Variants in UVRAG observed in about 807,000 individuals in gnomAD.
The protein encoded by UVRAG is UV radiation resistance-associated gene protein.
In UVRAG, 19 loss-of-function variants were observed where a neutral mutation model predicts 78.0. The ratio of observed to expected loss-of-function variants is 0.24; its 90% confidence interval spans 0.17 to 0.36. The LOEUF is 0.36. UVRAG is among the 10% of genes least tolerant of loss of function. The pLI is 1.00. For synonymous variants in UVRAG, 323 were observed against 324.6 expected (o/e 1.00, Z 0.05); for missense variants, 740 against 853.8 (o/e 0.87, Z 1.66).
intron 13 of UVRAG, among the ~76,000 whole-genome samples, chr11:76,115,668 G>C (rs1222452493): frequency 6.6e-6 from 1 of 152,124 alleles, no homozygotes; most frequent in African/African-American, 2.4e-5. Context: ...TCTAAGTTTA[G>C]GGGGCAAGAG....
At chr11:75,968,642 T>C (rs564485775) in intron 7 of UVRAG, among the ~76,000 whole-genome samples, 1 of 152,344 alleles carries the variant, frequency 6.6e-6, no homozygotes, top group South Asian at 2.1e-4. Context: ...AGAAAACATA[T>C]CTCAGTATGT....
At chr11:75,847,675 A>G (rs1946064099) in intron 1 of UVRAG, among the ~76,000 whole-genome samples, 2 of 152,104 alleles carry the variant, frequency 1.3e-5, no homozygotes, top group Admixed American at 1.3e-4. Flanking sequence ...ATTTACCCAT[A>G]AAGAGTTTAT....
chr11:76,107,746 T>C (rs2134453910), intron 13 of UVRAG, among the ~76,000 whole-genome samples: 1 of 152,306 alleles, frequency 6.6e-6, no homozygotes, highest in Middle Eastern at 3.4e-3. Flanking sequence ...CTTGAAAGAA[T>C]TACGTTTTCT....
At chr11:75,947,688 G>A (rs1234923439) in intron 6 of UVRAG, among the ~76,000 whole-genome samples, 1 of 152,148 alleles carries the variant, frequency 6.6e-6, no homozygotes, top group Non-Finnish European at 1.5e-5. Flanking sequence ...AGGAACGATG[G>A]GTTTGTGGGT....
chr11:75,974,356 T>TTTTC (rs1565406572), intron 7 of UVRAG, among the ~76,000 whole-genome samples: 1 of 133,036 alleles, frequency 7.5e-6, no homozygotes, highest in African/African-American at 3.0e-5. Context: ...GTCTTCTTTT[T>TTTTC]TTTTTTTTTT....
intron 6 of UVRAG, among the ~76,000 whole-genome samples, chr11:75,956,602 T>A (rs1334681530): frequency 6.6e-6 from 1 of 152,148 alleles, no homozygotes; most frequent in South Asian, 2.1e-4. Flanking sequence ...GCCAGGATGG[T>A]CTTGATCTCC....
chr11:76,092,844 A>G (rs1443197599), intron 13 of UVRAG, among the ~76,000 whole-genome samples: 1 of 152,062 alleles, frequency 6.6e-6, no homozygotes, highest in Non-Finnish European at 1.5e-5. Flanking sequence ...GTTTAACTGG[A>G]TCCCATTTGT....
chr11:75,927,603 G>C (rs536261884), intron 6 of UVRAG, among the ~76,000 whole-genome samples: 6 of 152,294 alleles, frequency 3.9e-5, no homozygotes, highest in Non-Finnish European at 8.8e-5. Context: ...AAATAAAGTA[G>C]TAGGAGGAGA....
intron 1 of UVRAG, among the ~76,000 whole-genome samples, chr11:75,824,669 ATTT>A (rs1217028567): frequency 9.3e-4 from 110 of 118,638 alleles, no homozygotes; most frequent in African/African-American, 3.4e-3. Flanking sequence ...GAAGTTTGTC[ATTT>A]TTTTTTTTTT....
In UVRAG at chr11:76,056,035, A is replaced by G. The variant is rs532854131; in HGVS notation, c.1227-9675A>G. On this transcript the variant is annotated intron_variant, in intron 12 of 14. Transcript: ENST00000356136. The stretch of plus-strand genomic sequence containing the variant: ...GAAATATACAAATCTTAAATGAACT[A>G]TTCTGAGTTCCATCAAATACATAGG... Among the ~76,000 whole-genome samples, 8 of 152,326 alleles carry G rather than the reference A, an allele frequency of 5.3e-5. No individual in the cohort carries two copies. The South Asian group carries it at 1.5e-3, about 28-fold the overall frequency.
intron 3 of UVRAG, among the ~76,000 whole-genome samples, chr11:75,871,800 C>T (rs74511766): frequency 6.6e-6 from 1 of 152,304 alleles, no homozygotes; most frequent in African/African-American, 2.4e-5. Flanking sequence ...CCAGTTACAT[C>T]TTACCAGCAG....
chr11:76,029,748 G>A (rs1253164942), intron 12 of UVRAG, among the ~76,000 whole-genome samples: 2 of 152,178 alleles, frequency 1.3e-5, no homozygotes, highest in Non-Finnish European at 2.9e-5. Context: ...GAAGTGGCAG[G>A]GTTTGAGAGG....
intron 1 of UVRAG, among the ~76,000 whole-genome samples, chr11:75,815,776 A>C (rs774999458): frequency 4.6e-5 from 7 of 152,276 alleles, no homozygotes; most frequent in Non-Finnish European, 8.8e-5. Flanking sequence ...GCAGCCAGCC[A>C]GCTCAAGTCC....
At chr11:76,033,800 T>G (rs1046191698) in intron 12 of UVRAG, among the ~76,000 whole-genome samples, 9 of 152,304 alleles carry the variant, frequency 5.9e-5, no homozygotes, top group Admixed American at 2.6e-4. Context: ...GATGCCATTT[T>G]ATATCCATCA....
At chr11:75,954,378 G>T (rs1405658396) in intron 6 of UVRAG, among the ~76,000 whole-genome samples, 1 of 152,132 alleles carries the variant, frequency 6.6e-6, no homozygotes, top group Non-Finnish European at 1.5e-5. Flanking sequence ...TGAAGTTTTA[G>T]GCGGCCCTTT....
chr11:76,133,534 C>T (rs749783864), intron 14 of UVRAG, among the ~76,000 whole-genome samples: 56 of 152,092 alleles, frequency 3.7e-4, no homozygotes, highest in Admixed American at 1.0e-3. Flanking sequence ...TCTACCAGTT[C>T]CTGGGTTGGC....
chr11:76,122,065 C>T (rs1015421632), intron 14 of UVRAG, among the ~76,000 whole-genome samples: 53 of 152,114 alleles, frequency 3.5e-4, no homozygotes, highest in Admixed American at 3.5e-3. Context: ...GAATATGCTC[C>T]TTGAGCTTGT....
At chr11:76,135,120 A>G (rs1952578231) in intron 14 of UVRAG, among the ~76,000 whole-genome samples, 1 of 152,154 alleles carries the variant, frequency 6.6e-6, no homozygotes, top group South Asian at 2.1e-4. Context: ...CCCCAAATCC[A>G]TAGGAAAATT....
chr11:75,841,450 A>G (rs1430338026), intron 1 of UVRAG, among the ~76,000 whole-genome samples: 3 of 152,184 alleles, frequency 2.0e-5, no homozygotes, highest in Non-Finnish European at 4.4e-5. Context: ...ACATTATTCA[A>G]GGTATATAGT....
Sources: gnomAD v4.1 joint callset for allele counts (sites outside exome capture counted in the v4.1 genomes callset) on GRCh38, gnomAD v4.1.1 for gene constraint, MANE v1.5 for transcripts, NCBI Gene and HGNC (gene_info 2026-07-23, HGNC 2026-07-21) for gene names.